Variants in ANK2 observed in about 807,000 individuals in gnomAD.
The protein encoded by ANK2 is ankyrin-2.
In ANK2, 83 loss-of-function variants were observed where a neutral mutation model predicts 360.5. The ratio of observed to expected loss-of-function variants is 0.23; its 90% CI spans 0.19 to 0.28. The LOEUF is 0.28. ANK2 is among the 10% of genes least tolerant of loss of function. The pLI is 1.00. For synonymous variants in ANK2, 1,740 were observed against 1,759.5 expected, an observed-to-expected ratio of 0.99 and a Z score of 0.28; for missense variants, 4,201 against 4,795.7, an observed-to-expected ratio of 0.88 and a Z score of 3.66.
intron 1 of ANK2, among the ~76,000 whole-genome samples, chr4:113,159,190 TCCAC>T (rs1368254249): frequency 1.6e-5 from 1 of 62,560 alleles, no homozygotes; most frequent in African/African-American, 5.9e-5. Flanking sequence ...TCTCTTTCCT[TCCAC>T]ACACACACAC....
At chr4:112,996,844 C>T (rs1469903046) in intron 2 of ANK2, among the ~76,000 whole-genome samples, 1 of 151,964 alleles carries the variant, frequency 6.6e-6, no homozygotes, top group Non-Finnish European at 1.5e-5. Flanking sequence ...ATTTTTTATT[C>T]ATTATTTCTA....
chr4:113,012,461 G>T (rs1445921954), intron 2 of ANK2, among the ~76,000 whole-genome samples: 1 of 152,050 alleles, frequency 6.6e-6, no homozygotes, highest in African/African-American at 2.4e-5. Flanking sequence ...ATCAACTCTG[G>T]TTTAAGCATT....
At position 113,358,933 on chromosome 4, in the gene ANK2, AC is replaced by A; in HGVS notation, c.10316del (p.Thr3439AsnfsTer37). On this transcript the variant is annotated frameshift_variant, in exon 38 of 46. Transcript: ENST00000357077. LOFTEE classifies it high-confidence loss of function. ...EEGATRPKIL[T>X]SRLPVKSRST... ...AGGGGCCACAAGACCAAAGATACTT[AC>A]ATCCCGATTGCCAGTTAAGAGCAGA... The A allele has an allele frequency of 3.7e-6, 6 of 1,613,944 alleles. 1 individual carries two copies. The South Asian group carries it at 5.5e-5, about 15-fold the overall frequency.
chr4:112,967,538 T>TA (rs2037772894), intron 2 of ANK2, among the ~76,000 whole-genome samples: 2 of 152,174 alleles, frequency 1.3e-5, no homozygotes, highest in Admixed American at 6.5e-5. Context: ...TTTTATCTTT[T>TA]AAAAAAATCT....
At chr4:112,736,563 A>G in the ANK2 span, among the ~76,000 whole-genome samples, 34 of 152,296 alleles carry the variant, frequency 2.2e-4, no homozygotes, top group South Asian at 4.1e-3. Flanking sequence ...AGAATCAGGT[A>G]TACAGAAGCA....
At chr4:113,316,798 T>A (rs921396746) in intron 24 of ANK2, among the ~76,000 whole-genome samples, 1 of 152,216 alleles carries the variant, frequency 6.6e-6, no homozygotes, top group African/African-American at 2.4e-5. Flanking sequence ...ACCTATTACA[T>A]ATGAGTGTGT....
the ANK2 span, among the ~76,000 whole-genome samples, chr4:112,771,894 G>A: frequency 6.6e-6 from 1 of 152,074 alleles, no homozygotes; most frequent in African/African-American, 2.4e-5. Context: ...CTAAACTGGG[G>A]AAACTTAACA....
At chr4:112,801,009 G>T in the ANK2 span, among the ~76,000 whole-genome samples, 4 of 152,118 alleles carry the variant, frequency 2.6e-5, no homozygotes, top group Admixed American at 2.6e-4. Flanking sequence ...CTGCAAAGCT[G>T]AGAGCTATTC....
At chr4:113,296,532 A>G (rs1173656254) in intron 22 of ANK2, among the ~76,000 whole-genome samples, 1 of 152,146 alleles carries the variant, frequency 6.6e-6, no homozygotes, top group Non-Finnish European at 1.5e-5. Flanking sequence ...CTTTACCCCA[A>G]AGTATGAATA....
At chr4:113,250,744 C>A (rs2045720389) in intron 10 of ANK2, among the ~76,000 whole-genome samples, 1 of 128,668 alleles carries the variant, frequency 7.8e-6, no homozygotes, top group Non-Finnish European at 1.7e-5. Flanking sequence ...TCCATTCCAC[C>A]TCATACCACC....
chr4:113,069,143 G>T (rs1056619569), intron 1 of ANK2, among the ~76,000 whole-genome samples: 4 of 152,128 alleles, frequency 2.6e-5, no homozygotes, highest in African/African-American at 9.7e-5. Flanking sequence ...GGAAGTAAAA[G>T]GTGAGGTAAG....
intron 18 of ANK2, among the ~76,000 whole-genome samples, chr4:113,286,332 C>T (rs2064563283): frequency 6.6e-6 from 1 of 152,202 alleles, no homozygotes. Context: ...CCTTCTATCT[C>T]ACCCTGTGTT....
chr4:112,898,173 G>A (rs560265758), intron 1 of ANK2, among the ~76,000 whole-genome samples: 1 of 151,856 alleles, frequency 6.6e-6, no homozygotes, highest in African/African-American at 2.4e-5. Flanking sequence ...TATTAGCATG[G>A]CATATTTATT....
Position 113,302,896 on chromosome 4 carries a change from T to C in ANK2, c.2548+57T>C, listed in dbSNP as rs1201770511. ...TGTCATGTTCTTACACAAGGGCAAA[T>C]TACCCTTTTTTTCAGAGACCAAGCT... is the stretch of plus-strand genomic sequence containing the variant. On this transcript the variant is annotated intron_variant, in intron 23 of 45. Coordinates refer to ENST00000357077, the MANE Select transcript of ANK2 (RefSeq NM_001148.6). The C allele has an allele frequency of 7.5e-6, 11 of 1,461,112 alleles. No individual in the cohort carries two copies. In the Admixed American group the frequency reaches 8.4e-5, roughly 11 times the overall value. 90.5% of individuals were successfully genotyped at this position (1,461,112 alleles called of 1,614,324 possible).
At chr4:112,794,071 C>T in the ANK2 span, among the ~76,000 whole-genome samples, 2 of 152,286 alleles carry the variant, frequency 1.3e-5, no homozygotes, top group South Asian at 2.1e-4. Flanking sequence ...TATAGAGTAA[C>T]TAATTGTTGA....
chr4:112,844,978 C>A (rs2062962908), intron 1 of ANK2, among the ~76,000 whole-genome samples: 1 of 152,194 alleles, frequency 6.6e-6, no homozygotes, highest in South Asian at 2.1e-4. Flanking sequence ...CCAAGCACAG[C>A]AACATATTTC....
At chr4:113,140,872 G>C (rs970562029) in intron 1 of ANK2, among the ~76,000 whole-genome samples, 1 of 152,000 alleles carries the variant, frequency 6.6e-6, no homozygotes, top group Non-Finnish European at 1.5e-5. Context: ...TTGCTACTTG[G>C]GAGGCTGAGG....
chr4:112,804,371 G>A, the ANK2 span, among the ~76,000 whole-genome samples: 3 of 152,156 alleles, frequency 2.0e-5, no homozygotes, highest in Admixed American at 1.3e-4. Flanking sequence ...AGCTCTGATG[G>A]TATAGTTGTT....
At chr4:113,033,545 T>C (rs893547918) in intron 2 of ANK2, among the ~76,000 whole-genome samples, 3 of 151,988 alleles carry the variant, frequency 2.0e-5, no homozygotes, top group African/African-American at 7.2e-5. Context: ...GTTATATCTT[T>C]GGAGAAAAGA....
Sources: allele counts gnomAD v4.1 joint callset (sites outside exome capture counted in the v4.1 genomes callset), GRCh38; gene constraint gnomAD v4.1.1; transcripts MANE v1.5; gene names NCBI Gene and HGNC (gene_info 2026-07-23, HGNC 2026-07-21).